Variants in SRGAP2B observed in about 807,000 individuals in gnomAD.
SRGAP2B encodes the protein SLIT-ROBO Rho GTPase-activating protein 2B.
SRGAP2B carries 9 observed loss-of-function variants against 22.2 expected under a neutral mutation model. The observed-to-expected ratio is 0.41, with a 90% CI of 0.24 to 0.71. The LOEUF is 0.71. Among genes scored for constraint, SRGAP2B ranks in the 30% least tolerant of loss-of-function variants. The probability of loss-of-function intolerance (pLI) is 0.35; values close to 1 mark genes in which losing one functional copy is unlikely to be tolerated. For missense variants in SRGAP2B, 114 were observed against 235.8 expected, an observed-to-expected ratio of 0.48 and a Z score of 3.38; for synonymous variants, 36 against 87.4, an observed-to-expected ratio of 0.41 and a Z score of 3.28.
intron 2 of SRGAP2B, among the ~76,000 whole-genome samples, chr1:144,999,114 C>T (rs1289421692): frequency 6.6e-6 from 1 of 150,868 alleles, no homozygotes; most frequent in East Asian, 1.9e-4. Context: ...ACTCACACCA[C>T]TCATACCACT....
intron 3 of SRGAP2B, among the ~76,000 whole-genome samples, chr1:144,981,069 G>T: frequency 6.7e-6 from 1 of 149,874 alleles, no homozygotes; most frequent in South Asian, 2.1e-4. Flanking sequence ...ATAAAAACAC[G>T]TATGGCAGAG....
chr1:144,910,547 C>T (rs1486327430), intron 5 of SRGAP2B, among the ~76,000 whole-genome samples: 1 of 149,374 alleles, frequency 6.7e-6, no homozygotes, highest in Non-Finnish European at 1.5e-5. Flanking sequence ...AGGGGGAGTA[C>T]AGAAGCATAA....
intron 4 of SRGAP2B, among the ~76,000 whole-genome samples, chr1:144,944,733 A>T (rs1553608136): frequency 7.2e-6 from 1 of 138,396 alleles, no homozygotes; most frequent in South Asian, 2.2e-4. Flanking sequence ...ATTTTTTGAG[A>T]TGGAGTCTTG....
chr1:145,090,160 CATAAT>C (rs1653846002), intron 2 of SRGAP2B, among the ~76,000 whole-genome samples: 1 of 148,094 alleles, frequency 6.8e-6, no homozygotes, highest in African/African-American at 2.6e-5. Context: ...AGCTGACACT[CATAAT>C]AATTCTGACC....
chr1:144,965,198 C>A (rs1158570240), intron 3 of SRGAP2B: 1 of 1,035,466 alleles, frequency 9.7e-7, no homozygotes, highest in Non-Finnish European at 1.5e-6. Flanking sequence ...CGGTCTACAG[C>A]TCCAGCGTGA....
intron 2 of SRGAP2B, among the ~76,000 whole-genome samples, chr1:145,084,072 T>C (rs1344615249): frequency 1.4e-5 from 2 of 139,160 alleles, no homozygotes; most frequent in Admixed American, 7.1e-5. Flanking sequence ...CTTTCTTTTC[T>C]TTTTTTTTTT....
At position 144,955,446 on chromosome 1, in the gene SRGAP2B, AAG is replaced by A. The variant is rs1667185636; in HGVS notation, c.414_415del (p.Phe139Ter). On this transcript the variant is annotated frameshift_variant, in exon 4 of 10. Coordinates refer to ENST00000612199, the Ensembl canonical transcript of SRGAP2B. LOFTEE classifies it high-confidence loss of function. Reference sequence around the variant, plus strand: ...GAAGAAATATCTCTGTACCTTTTTAAAGAGTCTTCCTGAGTCCTCGCTGACTT... The same window carrying A: ...GAAGAAATATCTCTGTACCTTTTTAAAGTCTTCCTGAGTCCTCGCTGACTT... 6.3e-7 allele frequency: 1 copy of A among 1,595,918 alleles called. No homozygotes were observed. The highest frequency in any genetic ancestry group is 1.7e-5 in the Admixed American group (1 of 57,322).
At chr1:144,984,627 T>TTTGCTAAATGGACAGAAGGATAAA (rs1669584261) in intron 3 of SRGAP2B, among the ~76,000 whole-genome samples, 1 of 148,970 alleles carries the variant, frequency 6.7e-6, no homozygotes, top group African/African-American at 2.6e-5. Context: ...AAGATATATA[T>TTTGCTAAATGGACAGAAGGATAAA]TTGCTAAATG....
intron 4 of SRGAP2B, among the ~76,000 whole-genome samples, chr1:144,925,788 AAAGAAAG>A (rs1462716838): frequency 2.0e-4 from 21 of 103,044 alleles, no homozygotes; most frequent in African/African-American, 5.0e-4. Context: ...AGAAAGAAAG[AAAGAAAG>A]GAGAGAGAAA....
intron 3 of SRGAP2B, among the ~76,000 whole-genome samples, chr1:144,986,456 C>T (rs1433056012): frequency 6.7e-6 from 1 of 149,732 alleles, no homozygotes; most frequent in Non-Finnish European, 1.5e-5. Context: ...TACAGTTCAC[C>T]GACTGAATGA....
rs587775608 is a variant in SRGAP2B at position 144,925,204 on chromosome 1, T to C, written c.424-10450A>G. Among the ~76,000 whole-genome samples, 94 of 150,392 alleles carry C rather than the reference T, an allele frequency of 6.3e-4. 1 individual carries two copies. The South Asian group carries it at 0.011, about 18-fold the overall frequency. On this transcript the variant is annotated intron_variant, in intron 4 of 9. Transcript: ENST00000612199. ...TTTTAGTAAAGACAGAGAGTTTCAC[T>C]ATTTTGGCCGGGATGATCTCGAACT...
chr1:145,006,430 C>G lies in SRGAP2B; in HGVS notation c.68-11230G>C, dbSNP rs199490593. On this transcript the variant is annotated intron_variant, in intron 2 of 9. Coordinates refer to ENST00000612199, the Ensembl canonical transcript of SRGAP2B. ...TCCCTTTCTCCCCATTCCTGCTTCC[C>G]TGGGATGACTCTTGCAAATGAAGTG... Among the ~76,000 whole-genome samples, 10 of 149,460 alleles carry G rather than the reference C, an allele frequency of 6.7e-5. 1 individual carries two copies. The East Asian group carries it at 1.9e-3, about 29-fold the overall frequency.
In SRGAP2B at chr1:145,080,663, GCCTCAGGCT is replaced by G. The variant is rs1652838660; in HGVS notation, c.67+12163_67+12171del. Among the ~76,000 whole-genome samples, 2 of 147,920 alleles carry G rather than the reference GCCTCAGGCT, an allele frequency of 1.4e-5. 1 individual carries two copies. Among genetic ancestry groups the G allele is most frequent in the African/African-American group, 5.2e-5 (2 of 38,530 alleles). The stretch of plus-strand genomic sequence containing the variant: ...CATCCCAGGTTCAAGCAATTCTCCT[GCCTCAGGCT>G]CCCAAGTAGCTAAGATAAATTACAG... On this transcript the variant is annotated intron_variant, in intron 2 of 9. Coordinates refer to ENST00000612199, the Ensembl canonical transcript of SRGAP2B.
intron 2 of SRGAP2B, among the ~76,000 whole-genome samples, chr1:145,011,865 GA>G (rs1672077324): frequency 1.3e-5 from 2 of 150,336 alleles, no homozygotes; most frequent in Non-Finnish European, 2.9e-5. Flanking sequence ...TCCCAGTGGA[GA>G]AAAGCTAACG....
intron 4 of SRGAP2B, among the ~76,000 whole-genome samples, chr1:144,925,127 C>T (rs1664566221): frequency 6.7e-6 from 1 of 149,246 alleles, no homozygotes; most frequent in Admixed American, 6.6e-5. Flanking sequence ...CTCAGCCTCC[C>T]AAGTAGCTGG....
chr1:145,075,907 G>C (rs2102457480), intron 2 of SRGAP2B, among the ~76,000 whole-genome samples: 1 of 149,560 alleles, frequency 6.7e-6, no homozygotes, highest in South Asian at 2.1e-4. Context: ...GGCCAACACA[G>C]TGAAACCCCG....
chr1:145,012,999 C>G (rs186417959), intron 2 of SRGAP2B, among the ~76,000 whole-genome samples: 1 of 150,744 alleles, frequency 6.6e-6, no homozygotes, highest in Non-Finnish European at 1.5e-5. Context: ...ATGAGAACTG[C>G]TTGAGCCCAC....
At chr1:144,966,355 G>C (rs1403838732) in intron 3 of SRGAP2B, among the ~76,000 whole-genome samples, 1 of 149,094 alleles carries the variant, frequency 6.7e-6, no homozygotes, top group Admixed American at 6.6e-5. Context: ...TTAAAGAAAA[G>C]AATTTTCAAC....
intron 5 of SRGAP2B, among the ~76,000 whole-genome samples, chr1:144,912,051 A>T (rs1553349941): frequency 2.2e-4 from 29 of 130,672 alleles, no homozygotes; most frequent in Middle Eastern, 9.7e-3. Context: ...CCCAGGTTCA[A>T]GCCATTCTCC....
Sources: allele counts gnomAD v4.1 joint callset (sites outside exome capture counted in the v4.1 genomes callset), GRCh38; gene constraint gnomAD v4.1.1; transcripts MANE v1.5; gene names NCBI Gene and HGNC (gene_info 2026-07-23, HGNC 2026-07-21).